MLLT3: variants seen among roughly 807,000 people sequenced by gnomAD.
MLLT3 encodes MLLT3 super elongation complex subunit, also known as protein AF-9.
MLLT3 carries 4 observed loss-of-function variants against 53.2 expected under a neutral mutation model. The observed-to-expected ratio is 0.08, with a 90% CI of 0.04 to 0.17. MLLT3 has a LOEUF of 0.17. MLLT3 is among the 10% of genes least tolerant of loss of function. The pLI is 1.00. For missense variants in MLLT3, 569 were observed against 684.0 expected (o/e 0.83, Z 1.87); for synonymous variants, 283 against 230.6 (o/e 1.23, Z -2.06).
chr9:20,551,092 G>A (rs534848434), intron 2 of MLLT3, among the ~76,000 whole-genome samples: 1 of 152,266 alleles, frequency 6.6e-6, no homozygotes, highest in South Asian at 2.1e-4. Flanking sequence ...GGCCAATTCG[G>A]CTGAGGAAAA....
intron 2 of MLLT3, among the ~76,000 whole-genome samples, chr9:20,479,697 C>T (rs926300995): frequency 6.6e-6 from 1 of 152,126 alleles, no homozygotes; most frequent in African/African-American, 2.4e-5. Flanking sequence ...AGCTTTCCTT[C>T]CTGGGATGCT....
At chr9:20,437,072 T>C (rs890713534) in intron 4 of MLLT3, among the ~76,000 whole-genome samples, 9 of 152,222 alleles carry the variant, frequency 5.9e-5, no homozygotes, top group African/African-American at 2.2e-4. Flanking sequence ...AAAAAAGGGC[T>C]GTGCTATGAG....
chr9:20,403,057 A>C (rs1017176383), intron 5 of MLLT3, among the ~76,000 whole-genome samples: 3 of 152,092 alleles, frequency 2.0e-5, no homozygotes, highest in African/African-American at 7.2e-5. Flanking sequence ...GAATCACTGC[A>C]AACTGGAAAT....
chr9:20,520,081 G>A (rs1365530203), intron 2 of MLLT3, among the ~76,000 whole-genome samples: 1 of 152,074 alleles, frequency 6.6e-6, no homozygotes, highest in East Asian at 1.9e-4. Context: ...ATTATCTTTA[G>A]GAAACTTAAC....
intron 5 of MLLT3, among the ~76,000 whole-genome samples, chr9:20,380,916 C>T (rs1397599970): frequency 1.3e-5 from 2 of 151,970 alleles, no homozygotes; most frequent in Non-Finnish European, 2.9e-5. Flanking sequence ...TTATTAGTCT[C>T]ATGATCTTCC....
intron 2 of MLLT3, among the ~76,000 whole-genome samples, chr9:20,568,317 A>T (rs1301227263): frequency 1.3e-5 from 2 of 152,172 alleles, no homozygotes; most frequent in Non-Finnish European, 2.9e-5. Flanking sequence ...TATTCTCTCT[A>T]CTTTTCTGAA....
At chr9:20,525,940 C>G (rs1250696449) in intron 2 of MLLT3, among the ~76,000 whole-genome samples, 1 of 152,148 alleles carries the variant, frequency 6.6e-6, no homozygotes, top group Non-Finnish European at 1.5e-5. Context: ...AAAAGCAATA[C>G]ATTTTATAAT....
intron 2 of MLLT3, among the ~76,000 whole-genome samples, chr9:20,502,758 C>A (rs752024635): frequency 2.0e-5 from 3 of 152,182 alleles, no homozygotes; most frequent in Non-Finnish European, 2.9e-5. Flanking sequence ...TGGAACCAAT[C>A]CCCTGCAGAT....
At chr9:20,584,003 T>C (rs542193270) in intron 2 of MLLT3, among the ~76,000 whole-genome samples, 8 of 152,318 alleles carry the variant, frequency 5.3e-5, no homozygotes, top group Admixed American at 1.3e-4. Flanking sequence ...TTTTGAAACT[T>C]CTATGCTCTG....
In MLLT3 at chr9:20,620,841, G is replaced by C. The variant is rs750192809; in HGVS notation, c.13-7C>G. 2 of 1,614,076 alleles carry C rather than the reference G, an allele frequency of 1.2e-6. No homozygotes were observed. Among genetic ancestry groups the C allele is most frequent in the South Asian group, 2.2e-5 (2 of 91,086 alleles). On this transcript the variant is annotated splice_region_variant and splice_polypyrimidine_tract_variant and intron_variant, in intron 1 of 10. Coordinates refer to ENST00000380338, the MANE Select transcript of MLLT3 (RefSeq NM_004529.4). This position sits in a 1 kb window ranked among gnomAD's most constrained non-coding sequence, Gnocchi z 6.1. ...GCTTCACCTGCACGGCACACTGCGG[G>C]CAGGGGGAGGAGAGACAGCCGTGAA...
intron 2 of MLLT3, among the ~76,000 whole-genome samples, chr9:20,519,627 C>T (rs918169979): frequency 2.0e-5 from 3 of 152,076 alleles, no homozygotes; most frequent in African/African-American, 7.2e-5. Flanking sequence ...TAGAGAAATA[C>T]TAATCAAAAC....
chr9:20,466,190 T>C (rs764096365), intron 2 of MLLT3, among the ~76,000 whole-genome samples: 1 of 152,154 alleles, frequency 6.6e-6, no homozygotes, highest in Non-Finnish European at 1.5e-5. Context: ...TTTGGAATAT[T>C]TGCCTATACT....
rs562466453 is a variant in MLLT3 at position 20,611,010 on chromosome 9, G to A, written c.193+9644C>T. Among the ~76,000 whole-genome samples the A allele has an allele frequency of 1.1e-4, 17 of 152,148 alleles. No individual in the cohort carries two copies. In the East Asian group the frequency reaches 3.1e-3, roughly 28 times the overall value. On this transcript the variant is annotated intron_variant, in intron 2 of 10. Transcript: ENST00000380338. ...AGAGAAACAGAGAAATAAGTAAAAT[G>A]AAGGAAAATACTATGTGAAATAGAA...
intron 2 of MLLT3, among the ~76,000 whole-genome samples, chr9:20,483,874 A>AC (rs1554629343): frequency 2.7e-5 from 4 of 147,546 alleles, no homozygotes; most frequent in African/African-American, 7.5e-5. Flanking sequence ...CGCAAGTCTA[A>AC]TTTTTTTTTT....
At chr9:20,575,988 C>A (rs1819643119) in intron 2 of MLLT3, among the ~76,000 whole-genome samples, 1 of 152,188 alleles carries the variant, frequency 6.6e-6, no homozygotes, top group Admixed American at 6.6e-5. Context: ...AAGGCCGTTT[C>A]ACCTACATTG....
At position 20,414,223 on chromosome 9, in the gene MLLT3, G is replaced by C. The variant is rs1178671483; in HGVS notation, c.623C>G (p.Ser208Cys). The C allele has an allele frequency of 6.2e-7, 1 of 1,614,112 alleles. No homozygotes were observed. Among genetic ancestry groups the C allele is most frequent in the Non-Finnish European group, 8.5e-7 (1 of 1,180,010 alleles). The change falls in exon 5 of 11, where the codon TCT becomes TGT. Residue 208 changes from serine to cysteine, a missense_variant. Physicochemically the swap from Ser to Cys is moderately radical, Grantham distance 112. Around this residue, in one of 5 missense-constraint regions of MLLT3, gnomAD observed 437 missense variants for 376.5 expected, o/e 1.16. Transcript: ENST00000380338. Reference protein sequence around the residue: ...KLMKEHKEKPSKDSREHKSAF... With the variant: ...KLMKEHKEKPCKDSREHKSAF... Reference sequence around the variant, plus strand: ...ACTTTTATGTTCTCTGGAGTCTTTAGAAGGTTTTTCCTTGTGCTCCTTCAT... The same window carrying C: ...ACTTTTATGTTCTCTGGAGTCTTTACAAGGTTTTTCCTTGTGCTCCTTCAT...
intron 9 of MLLT3, among the ~76,000 whole-genome samples, chr9:20,354,431 G>C (rs7854241): frequency 3.3e-5 from 5 of 152,134 alleles, no homozygotes; most frequent in African/African-American, 9.7e-5. Context: ...TTGTAGTCAG[G>C]TTTCAGAAGC....
intron 2 of MLLT3, among the ~76,000 whole-genome samples, chr9:20,612,352 T>A (rs1158153901): frequency 6.6e-6 from 1 of 152,184 alleles, no homozygotes; most frequent in Non-Finnish European, 1.5e-5. Context: ...TACTCTTATT[T>A]GTATCTCCCT....
At chr9:20,419,729 T>G (rs1432266995) in intron 4 of MLLT3, among the ~76,000 whole-genome samples, 1 of 152,114 alleles carries the variant, frequency 6.6e-6, no homozygotes, top group Non-Finnish European at 1.5e-5. Context: ...AAAGAAGTAT[T>G]TGCCAAAATT....
Sources: gnomAD v4.1 joint callset for allele counts (sites outside exome capture counted in the v4.1 genomes callset) on GRCh38, gnomAD v4.1.1 for gene constraint, gnomAD v4.1.1 regional missense constraint, Gnocchi (gnomAD v3.1) non-coding constraint, MANE v1.5 for transcripts, NCBI Gene and HGNC (gene_info 2026-07-23, HGNC 2026-07-21) for gene names.